Variants in LGALS3 observed in about 807,000 individuals in gnomAD.
The protein encoded by LGALS3 is galectin-3.
In LGALS3, 18 loss-of-function variants were observed where a neutral mutation model predicts 20.7. The observed-to-expected ratio is 0.87, with a 90% confidence interval of 0.60 to 1.29. LGALS3 has a LOEUF of 1.29. LGALS3 is among the 50% of genes most tolerant of loss of function. LGALS3 has a pLI of 0.00. For missense variants in LGALS3, 315 were observed against 314.7 expected, an observed-to-expected ratio of 1.00 and a Z score of -0.01; for synonymous variants, 112 against 119.6, an observed-to-expected ratio of 0.94 and a Z score of 0.42.
intron 3 of LGALS3, 80 bp downstream of exon 3, chr14:55,138,448 G>A (rs747575879): frequency 1.2e-5 from 17 of 1,475,770 alleles, no homozygotes; most frequent in Non-Finnish European, 1.4e-5. Context: ...CTGCTGCTTA[G>A]AGCCACTTCT....
In LGALS3 at chr14:55,137,362, T is replaced by G; in HGVS notation, c.-4-8T>G. 1 of 1,613,422 alleles carries G rather than the reference T, an allele frequency of 6.2e-7. No individual in the cohort carries two copies. Reference sequence around the variant, plus strand: ...TTAGGATAAAATGATAATCTTTGTTTCTTTCAGGAAAATGGCAGACAATTT... The same window carrying G: ...TTAGGATAAAATGATAATCTTTGTTGCTTTCAGGAAAATGGCAGACAATTT... On this transcript the variant is annotated splice_polypyrimidine_tract_variant and splice_region_variant and intron_variant, in intron 1 of 5. Coordinates refer to ENST00000254301, the MANE Select transcript of LGALS3 (RefSeq NM_002306.4).
chr14:55,144,145 C>G (rs1881733107), intron 5 of LGALS3, among the ~76,000 whole-genome samples: 1 of 152,072 alleles, frequency 6.6e-6, no homozygotes, highest in African/African-American at 2.4e-5. Flanking sequence ...CATATCAGAA[C>G]TTTTGGTTGT....
At chr14:55,137,076 C>CA (rs1200446967) in intron 1 of LGALS3, 1 of 511,124 alleles carries the variant, frequency 2.0e-6, no homozygotes, top group African/African-American at 1.9e-5. Flanking sequence ...TGCTTATCTT[C>CA]AAAAACCCAG....
intron 2 of LGALS3, chr14:55,137,732 C>G: frequency 7.5e-7 from 1 of 1,337,886 alleles, no homozygotes. Context: ...GATTGTTTTT[C>G]TCACGGTGAT....
intron 1 of LGALS3, among the ~76,000 whole-genome samples, chr14:55,135,757 G>A (rs891476728): frequency 9.2e-5 from 14 of 151,728 alleles, no homozygotes; most frequent in Non-Finnish European, 1.5e-4. Flanking sequence ...TAGAGACAGG[G>A]TTTTGCCATA....
At chr14:55,134,863 A>C (rs1881336074) in intron 1 of LGALS3, among the ~76,000 whole-genome samples, 1 of 152,174 alleles carries the variant, frequency 6.6e-6, no homozygotes, top group South Asian at 2.1e-4. Context: ...ATGTTCAAAA[A>C]GAGATGTGTG....
rs60310677 is a variant in LGALS3 at position 55,130,562 on chromosome 14, GT to G, written c.-5+1276del. On this transcript the variant is annotated intron_variant, in intron 1 of 5. Transcript: ENST00000254301. ...CAAAGTTCTGATTTGTTTACCTAAG[GT>G]TTTTTTTTTTTTTGAGACGCAGTTT... Among the ~76,000 whole-genome samples the G allele has an allele frequency of 2.8e-3, 404 of 144,902 alleles. 3 individuals carry two copies. The highest frequency in any genetic ancestry group is 8.9e-3 in the African/African-American group (350 of 39,534).
At chr14:55,134,640 G>T (rs1031643807) in intron 1 of LGALS3, among the ~76,000 whole-genome samples, 32 of 152,106 alleles carry the variant, frequency 2.1e-4, no homozygotes, top group African/African-American at 7.2e-4. Context: ...TTCTTATACG[G>T]TAGTGTGGCA....
At chr14:55,143,507 C>G (rs376974629) in intron 5 of LGALS3, 321 of 304,144 alleles carry the variant, frequency 1.1e-3, no homozygotes, top group Non-Finnish European at 1.9e-4. Flanking sequence ...CTACAACCTC[C>G]GCCTCCTGGG....
At chr14:55,134,415 G>A (rs954218790) in intron 1 of LGALS3, among the ~76,000 whole-genome samples, 2 of 152,168 alleles carry the variant, frequency 1.3e-5, no homozygotes, top group African/African-American at 2.4e-5. Context: ...TGTTGATAAC[G>A]TTATTGCTGG....
chr14:55,129,649 T>C lies in LGALS3; in HGVS notation c.-5+349T>C, dbSNP rs2140285935. ...CCGCCTGCGCTCTGCGGCCCCAGAG[T>C]AAGCCCCATCCGGTGACGAGCCGCA... On this transcript the variant is annotated intron_variant, in intron 1 of 5. Coordinates refer to ENST00000254301, the MANE Select transcript of LGALS3 (RefSeq NM_002306.4). This position sits in a 1 kb window ranked among gnomAD's most constrained non-coding sequence, Gnocchi z 5.3. Among the ~76,000 whole-genome samples the C allele has an allele frequency of 6.6e-6, 1 of 152,110 alleles. No homozygotes were observed. Among genetic ancestry groups the C allele is most frequent in the East Asian group, 1.9e-4 (1 of 5,172 alleles).
At position 55,145,246 on chromosome 14, in the gene LGALS3, C is replaced by T. The variant is rs1323477034; in HGVS notation, c.728C>T (p.Thr243Ile). 1.4e-5 allele frequency: 22 copies of T among 1,613,230 alleles called. No individual in the cohort carries two copies. Among genetic ancestry groups the T allele is most frequent in the Non-Finnish European group, 1.8e-5 (21 of 1,179,782 alleles). ...GGAATTTCTGGTGACATAGACCTCACCAGTGCTTCATATACCATGATATAA... is the reference window on the plus strand; with the variant it reads ...GGAATTTCTGGTGACATAGACCTCATCAGTGCTTCATATACCATGATATAA... ...KLGISGDIDLTSASYTMI is the reference protein window; with the variant it reads ...KLGISGDIDLISASYTMI Residue 243 changes from threonine to isoleucine, a missense_variant, in exon 6 of 6, where the codon ACC becomes ATC. Coordinates refer to ENST00000254301, the MANE Select transcript of LGALS3 (RefSeq NM_002306.4).
chr14:55,130,601 C>G (rs1881199236), intron 1 of LGALS3, among the ~76,000 whole-genome samples: 1 of 150,034 alleles, frequency 6.7e-6, no homozygotes, highest in Non-Finnish European at 1.5e-5. Flanking sequence ...CTCTTGTTGC[C>G]CAGGCTGGAG....
intron 4 of LGALS3, among the ~76,000 whole-genome samples, chr14:55,141,004 C>G (rs1029031108): frequency 3.3e-5 from 5 of 152,114 alleles, no homozygotes; most frequent in African/African-American, 1.2e-4. Context: ...GATGCCTGCC[C>G]CTAAGGTTAG....
chr14:55,143,610 C>A, intron 5 of LGALS3: 1 of 203,320 alleles, frequency 4.9e-6, no homozygotes, highest in Non-Finnish European at 1.0e-5. Context: ...TCTGTAGAGA[C>A]GGGGTTTCAC....
chr14:55,140,622 T>G (rs1031852414), intron 4 of LGALS3, among the ~76,000 whole-genome samples: 1 of 152,194 alleles, frequency 6.6e-6, no homozygotes, highest in African/African-American at 2.4e-5. Flanking sequence ...TACTTTGATA[T>G]GTATTATGTC....
Position 55,144,214 on chromosome 14 carries a change from C to T in LGALS3, c.598-902C>T, listed in dbSNP as rs183327578. 1.3e-4 allele frequency among the ~76,000 whole-genome samples: 20 copies of T among 152,270 alleles called. No individual in the cohort carries two copies. In the East Asian group the frequency reaches 2.3e-3, roughly 18 times the overall value. Reference sequence around the variant, plus strand: ...GGAGTACAGTGGCATGGTCACAGCTCATTGCAGCCTGTCAACCTCCCAGGC... The same window carrying T: ...GGAGTACAGTGGCATGGTCACAGCTTATTGCAGCCTGTCAACCTCCCAGGC... On this transcript the variant is annotated intron_variant, in intron 5 of 5. Transcript: ENST00000254301.
Position 55,144,785 on chromosome 14 carries a change from C to T in LGALS3, c.598-331C>T, listed in dbSNP as rs546582246. 5.5e-4 allele frequency among the ~76,000 whole-genome samples: 84 copies of T among 152,052 alleles called. 1 individual carries two copies. Among genetic ancestry groups the T allele is most frequent in the Non-Finnish European group, 7.9e-4 (54 of 67,978 alleles). On this transcript the variant is annotated intron_variant, in intron 5 of 5. Transcript: ENST00000254301. ...TTCACTGTGTTAGCCAGGATGGTCT[C>T]GATCTCCTGACCTTGTGATCCACCC...
chr14:55,137,167 A>G lies in LGALS3; in HGVS notation c.-4-203A>G, dbSNP rs1047273814. 6 of 636,820 alleles carry G rather than the reference A, an allele frequency of 9.4e-6. No homozygotes were observed. The African/African-American group carries it at 1.1e-4, about 12-fold the overall frequency. The allele number at this position is 636,820 out of a possible 1,614,324, so 39.4% of individuals were successfully genotyped here. On this transcript the variant is annotated intron_variant, in intron 1 of 5. Coordinates refer to ENST00000254301, the MANE Select transcript of LGALS3 (RefSeq NM_002306.4). ...ACAGGCTAGTGTGACGGAAGTTTAA[A>G]CTTGTGAGTTAAATAGGGTTTGGCA...
Sources: allele counts gnomAD v4.1 joint callset (sites outside exome capture counted in the v4.1 genomes callset), GRCh38; gene constraint gnomAD v4.1.1; non-coding constraint Gnocchi (gnomAD v3.1); transcripts MANE v1.5; gene names NCBI Gene and HGNC (gene_info 2026-07-23, HGNC 2026-07-21).